The following CD9 variants were observed in gnomAD, a reference collection of about 807,000 sequenced individuals.
CD9 encodes the protein CD9 molecule.
A neutral mutation model predicts 31.4 loss-of-function variants in CD9; 10 were observed. The ratio of observed to expected loss-of-function variants is 0.32; its 90% CI spans 0.20 to 0.54. The LOEUF is 0.54. CD9 is among the 20% of genes least tolerant of loss of function. CD9 has a pLI of 0.94. For missense variants in CD9, 259 were observed against 300.1 expected (o/e 0.86, Z 1.01); for synonymous variants, 113 against 114.1 (o/e 0.99, Z 0.06).
intron 6 of CD9, 55 bp from the exon 7 acceptor site, chr12:6,236,137 G>A: frequency 2.9e-5 from 47 of 1,606,200 alleles, no homozygotes; most frequent in Non-Finnish European, 4.0e-5. Context: ...GGAGGGAGGA[G>A]GTGCCCTGGG....
At position 6,207,749 on chromosome 12, in the gene CD9, G is replaced by C. The variant is rs937186437; in HGVS notation, c.66+7184G>C. Among the ~76,000 whole-genome samples the C allele has an allele frequency of 3.3e-5, 5 of 152,348 alleles. No individual in the cohort carries two copies. The South Asian group carries it at 1.0e-3, about 32-fold the overall frequency. On this transcript the variant is annotated intron_variant, in intron 1 of 7. Coordinates refer to ENST00000009180, the MANE Select transcript of CD9 (RefSeq NM_001769.4). ...GTAACTGGGAAAGGCAAAGCAGCCT[G>C]ACTTGGAGAGGGGCCCGGATTAATG... is the stretch of plus-strand genomic sequence containing the variant.
Position 6,238,124 on chromosome 12 carries a change from T to C in CD9, c.*296T>C. ...AATCCTGCAATGAAAGGTACTATATTTGCTAGACTCTAGACAAGATATTGT... is the reference window on the plus strand; with the variant it reads ...AATCCTGCAATGAAAGGTACTATATCTGCTAGACTCTAGACAAGATATTGT... On this transcript the variant is annotated 3_prime_UTR_variant, in exon 8 of 8. Coordinates refer to ENST00000009180, the MANE Select transcript of CD9 (RefSeq NM_001769.4). The C allele has an allele frequency of 3.4e-6, 1 of 292,576 alleles. No individual in the cohort carries two copies. Among genetic ancestry groups the C allele is most frequent in the Non-Finnish European group, 6.6e-6 (1 of 151,698 alleles). The allele number at this position is 292,576 out of a possible 1,614,324, so 18.1% of individuals were successfully genotyped here.
At chr12:6,211,000 C>T (rs754097647) in intron 1 of CD9, among the ~76,000 whole-genome samples, 1 of 152,026 alleles carries the variant, frequency 6.6e-6, no homozygotes, top group Non-Finnish European at 1.5e-5. Flanking sequence ...CCATGCCTGG[C>T]TATTTTTTTA....
chr12:6,207,299 G>A (rs536532561), intron 1 of CD9, among the ~76,000 whole-genome samples: 40 of 152,246 alleles, frequency 2.6e-4, no homozygotes, highest in African/African-American at 6.3e-4. Context: ...ACCGTTCCCC[G>A]GGGGCTGCAA....
chr12:6,214,984 C>CT (rs1201344477), intron 1 of CD9, among the ~76,000 whole-genome samples: 2 of 152,178 alleles, frequency 1.3e-5, no homozygotes, highest in African/African-American at 4.8e-5. Context: ...GTTCTCTCTC[C>CT]TTTCTTACCT....
At chr12:6,208,657 C>T (rs1478715372) in intron 1 of CD9, among the ~76,000 whole-genome samples, 5 of 151,790 alleles carry the variant, frequency 3.3e-5, no homozygotes, top group African/African-American at 1.2e-4. Context: ...CCGCAACCTC[C>T]GCCTCCTGAG....
intron 5 of CD9, 46 bp from the exon 6 acceptor site, chr12:6,235,430 C>G: frequency 6.2e-7 from 1 of 1,613,572 alleles, no homozygotes; most frequent in Non-Finnish European, 8.5e-7. Context: ...TAATCGTCTT[C>G]TTACAATTTG....
intron 2 of CD9, among the ~76,000 whole-genome samples, chr12:6,229,431 A>G (rs1404792998): frequency 2.0e-5 from 3 of 152,198 alleles, no homozygotes; most frequent in African/African-American, 7.2e-5. Flanking sequence ...ACCACAGCAC[A>G]GCTTACACAC....
rs11568242 is a variant in CD9 at position 6,224,546 on chromosome 12, G to A, written c.67-880G>A. On this transcript the variant is annotated intron_variant, in intron 1 of 7. Transcript: ENST00000009180. ...TGGGCTATCAATAGCTCCTGGAGCC[G>A]AGAACCAAGGTCCCTGATGAGCGGG... is the stretch of plus-strand genomic sequence containing the variant. Among the ~76,000 whole-genome samples the A allele has an allele frequency of 9.5e-3, 1,444 of 152,292 alleles. 18 individuals are homozygous for A. The highest frequency in any genetic ancestry group is 0.033 in the African/African-American group (1,366 of 41,548).
intron 1 of CD9, among the ~76,000 whole-genome samples, chr12:6,222,618 T>G (rs1237666160): frequency 6.6e-6 from 1 of 152,232 alleles, no homozygotes; most frequent in Non-Finnish European, 1.5e-5. Context: ...CCCTCGTGGT[T>G]CCAGTTCTCC....
At chr12:6,213,883 A>T (rs1946217100) in intron 1 of CD9, among the ~76,000 whole-genome samples, 1 of 152,142 alleles carries the variant, frequency 6.6e-6, no homozygotes, top group Non-Finnish European at 1.5e-5. Context: ...AACACCCCAA[A>T]TTGAAAGCAT....
chr12:6,211,603 AGAGT>A (rs1946194822), intron 1 of CD9, among the ~76,000 whole-genome samples: 1 of 152,238 alleles, frequency 6.6e-6, no homozygotes, highest in Admixed American at 6.5e-5. Context: ...GCAAGTGGCT[AGAGT>A]GTGTCAGCAA....
At chr12:6,218,081 G>A (rs926942256) in intron 1 of CD9, among the ~76,000 whole-genome samples, 20 of 152,104 alleles carry the variant, frequency 1.3e-4, no homozygotes, top group African/African-American at 4.8e-4. Context: ...TTAAAAATTA[G>A]CTGGGCGTGG....
At chr12:6,236,523 C>T (rs538248683) in intron 7 of CD9, 158 of 555,856 alleles carry the variant, frequency 2.8e-4, no homozygotes, top group African/African-American at 9.0e-4. Context: ...CTCTCTTAGC[C>T]GTTAAGGTTC....
At chr12:6,202,124 GATTC>G (rs1946084938) in intron 1 of CD9, among the ~76,000 whole-genome samples, 1 of 152,168 alleles carries the variant, frequency 6.6e-6, no homozygotes, top group Non-Finnish European at 1.5e-5. Context: ...AATCTTCTAA[GATTC>G]ACTCCTCCCC....
intron 1 of CD9, among the ~76,000 whole-genome samples, chr12:6,205,268 C>T (rs1319074344): frequency 1.3e-5 from 2 of 152,228 alleles, no homozygotes; most frequent in East Asian, 1.9e-4. Flanking sequence ...CTCTCCCCTA[C>T]ACCCACAGTG....
intron 1 of CD9, among the ~76,000 whole-genome samples, chr12:6,210,214 G>C (rs1477365583): frequency 6.6e-6 from 1 of 152,198 alleles, no homozygotes; most frequent in Non-Finnish European, 1.5e-5. Flanking sequence ...CCCACTCTGG[G>C]GCTGTTTTCA....
chr12:6,225,987 ACAT>A (rs1212096233), intron 2 of CD9, among the ~76,000 whole-genome samples: 2 of 152,170 alleles, frequency 1.3e-5, no homozygotes, highest in Non-Finnish European at 2.9e-5. Context: ...ACTGGGAAAA[ACAT>A]CAGCCTCCTG....
chr12:6,213,447 C>T (rs531216993), intron 1 of CD9, among the ~76,000 whole-genome samples: 5 of 152,328 alleles, frequency 3.3e-5, no homozygotes, highest in South Asian at 2.1e-4. Flanking sequence ...TTGCTGGAAG[C>T]GCCTGTAAGA....
Sources: gnomAD v4.1 joint callset for allele counts (sites outside exome capture counted in the v4.1 genomes callset) on GRCh38, gnomAD v4.1.1 for gene constraint, MANE v1.5 for transcripts, NCBI Gene and HGNC (gene_info 2026-07-23, HGNC 2026-07-21) for gene names.